Variants in EIF2B3 observed in about 807,000 individuals in gnomAD.
EIF2B3 encodes translation initiation factor eIF2B subunit gamma.
A neutral mutation model predicts 54.1 loss-of-function variants in EIF2B3; 20 were observed. The ratio of observed to expected loss-of-function variants is 0.37; its 90% CI spans 0.26 to 0.54. EIF2B3 has a LOEUF of 0.54. EIF2B3 is among the 20% of genes least tolerant of loss of function. EIF2B3 has a pLI of 0.86. For synonymous variants in EIF2B3, 153 were observed against 188.1 expected (o/e 0.81, Z 1.52); for missense variants, 448 against 547.8 (o/e 0.82, Z 1.82).
At chr1:44,904,521 T>C (rs1215490112) in intron 5 of EIF2B3, among the ~76,000 whole-genome samples, 2 of 148,050 alleles carry the variant, frequency 1.4e-5, no homozygotes, top group African/African-American at 2.5e-5. Flanking sequence ...TTTGGCAATC[T>C]TTTTTTTTTT....
At chr1:44,888,450 C>T (rs1655676544) in intron 6 of EIF2B3, among the ~76,000 whole-genome samples, 1 of 150,616 alleles carries the variant, frequency 6.6e-6, no homozygotes, top group African/African-American at 2.5e-5. Flanking sequence ...AAATTTCTTG[C>T]CAGTCAGACT....
chr1:44,856,361 A>G (rs1034003194), intron 11 of EIF2B3, among the ~76,000 whole-genome samples: 2 of 151,824 alleles, frequency 1.3e-5, no homozygotes, highest in Non-Finnish European at 2.9e-5. Context: ...CTAAAAACAC[A>G]AAAATTAGCC....
chr1:44,859,945 G>T (rs1424963059), intron 10 of EIF2B3, among the ~76,000 whole-genome samples: 1 of 150,758 alleles, frequency 6.6e-6, no homozygotes, highest in Non-Finnish European at 1.5e-5. Context: ...TTTAGTAGAG[G>T]CAGGGTTTCG....
chr1:44,852,519 C>T (rs999703850), intron 11 of EIF2B3, among the ~76,000 whole-genome samples: 1 of 152,086 alleles, frequency 6.6e-6, no homozygotes, highest in Non-Finnish European at 1.5e-5. Context: ...GTGGCTCATG[C>T]CTCTAATCCC....
At chr1:44,928,680 T>C (rs901261738) in intron 4 of EIF2B3, among the ~76,000 whole-genome samples, 1 of 152,168 alleles carries the variant, frequency 6.6e-6, no homozygotes, top group Non-Finnish European at 1.5e-5. Context: ...TGGTAGACAG[T>C]GATCTTACAG....
intron 4 of EIF2B3, among the ~76,000 whole-genome samples, chr1:44,928,503 T>G (rs567648405): frequency 3.8e-4 from 57 of 151,406 alleles, no homozygotes; most frequent in African/African-American, 1.2e-3. Flanking sequence ...GCGCTTCGTT[T>G]TTTTTTTTTT....
chr1:44,884,116 GGT>G (rs1273194597), intron 6 of EIF2B3, among the ~76,000 whole-genome samples: 1 of 152,184 alleles, frequency 6.6e-6, no homozygotes, highest in African/African-American at 2.4e-5. Flanking sequence ...CGGGATTACA[GGT>G]GTGAGCCACC....
rs555971276 is a variant in EIF2B3, at chr1:44,934,548, C to T, written c.454+6958G>A. Among the ~76,000 whole-genome samples, 8 of 149,082 alleles carry T rather than the reference C, an allele frequency of 5.4e-5. No individual in the cohort carries two copies. The East Asian group carries it at 1.6e-3, about 29-fold the overall frequency. ...TGAGAAGGAATTTTGTTCTTGTTGCCCAGGCTGGAGTGCAGTGGTGATCCC... is the reference window on the plus strand; with the variant it reads ...TGAGAAGGAATTTTGTTCTTGTTGCTCAGGCTGGAGTGCAGTGGTGATCCC... On this transcript the variant is annotated intron_variant, in intron 4 of 11. Transcript: ENST00000360403.
At chr1:44,902,793 A>C (rs1317214657) in intron 5 of EIF2B3, among the ~76,000 whole-genome samples, 3 of 133,242 alleles carry the variant, frequency 2.3e-5, no homozygotes, top group Non-Finnish European at 4.6e-5. Flanking sequence ...GTGCTACTGC[A>C]CTCCAGCCTG....
At chr1:44,879,287 T>G (rs1655303671) in intron 8 of EIF2B3, among the ~76,000 whole-genome samples, 1 of 152,160 alleles carries the variant, frequency 6.6e-6, no homozygotes, top group African/African-American at 2.4e-5. Context: ...GTTCCCCATA[T>G]CTCACAAACT....
chr1:44,893,776 G>A lies in EIF2B3; in HGVS notation c.656+3579C>T, dbSNP rs182303296. Among the ~76,000 whole-genome samples, 829 of 146,868 alleles carry A rather than the reference G, an allele frequency of 5.6e-3. 6 individuals are homozygous for A. Among genetic ancestry groups the A allele is most frequent in the Non-Finnish European group, 9.2e-3 (620 of 67,038 alleles). On this transcript the variant is annotated intron_variant, in intron 6 of 11. Transcript: ENST00000360403. ...ACCGTGGATACTTCTGGACAAGAAG[G>A]AAGTAATCAGCCTCAATTCTCCCTG...
chr1:44,961,645 T>C (rs1186466759), intron 3 of EIF2B3, among the ~76,000 whole-genome samples: 1 of 152,158 alleles, frequency 6.6e-6, no homozygotes, highest in East Asian at 1.9e-4. Flanking sequence ...GACAGGTATC[T>C]TTTTTATCTG....
At chr1:44,948,952 C>T (rs1363496191) in intron 3 of EIF2B3, among the ~76,000 whole-genome samples, 1 of 152,070 alleles carries the variant, frequency 6.6e-6, no homozygotes, top group East Asian at 1.9e-4. Context: ...ACTGCAACCT[C>T]CGCCCCCCGA....
At chr1:44,882,928 C>CTTTTTTTTTTTTT (rs1003449669) in intron 6 of EIF2B3, among the ~76,000 whole-genome samples, 1 of 114,456 alleles carries the variant, frequency 8.7e-6, no homozygotes, top group Non-Finnish European at 1.8e-5. Context: ...TTTTCTTTTT[C>CTTTTTTTTTTTTT]TTTTTTTTTT....
intron 5 of EIF2B3, among the ~76,000 whole-genome samples, chr1:44,914,987 C>T (rs574676117): frequency 1.4e-4 from 21 of 151,582 alleles, no homozygotes; most frequent in African/African-American, 4.1e-4. Flanking sequence ...CCATGCCCCG[C>T]CCATTATTTT....
chr1:44,981,205 GAAAA>G, intron 1 of EIF2B3, 28 bp from the exon 2 acceptor site: 1 of 1,610,716 alleles, frequency 6.2e-7, no homozygotes, highest in East Asian at 2.2e-5. Flanking sequence ...ACAATTAACA[GAAAA>G]AAAACAATGT....
Position 44,956,492 on chromosome 1 carries a change from A to G in EIF2B3, c.295-14827T>C, listed in dbSNP as rs1342656274. Among the ~76,000 whole-genome samples, 6 of 152,124 alleles carry G rather than the reference A, an allele frequency of 3.9e-5. 1 individual carries two copies. In the Middle Eastern group the frequency reaches 0.01, roughly 259 times the overall value. The stretch of plus-strand genomic sequence containing the variant: ...ACAAATCTGCAACTTAAAGTATAAA[A>G]AAAAATCAATAGAAACCACTAATAA... On this transcript the variant is annotated intron_variant, in intron 3 of 11. Coordinates refer to ENST00000360403, the MANE Select transcript of EIF2B3 (RefSeq NM_020365.5).
chr1:44,956,999 A>T (rs985359177), intron 3 of EIF2B3, among the ~76,000 whole-genome samples: 4 of 152,210 alleles, frequency 2.6e-5, no homozygotes, highest in African/African-American at 9.7e-5. Flanking sequence ...GTGGTGGCTC[A>T]TGCCTGTAAT....
intron 3 of EIF2B3, among the ~76,000 whole-genome samples, chr1:44,974,188 A>T (rs574555520): frequency 6.7e-5 from 10 of 150,052 alleles, no homozygotes; most frequent in Non-Finnish European, 1.3e-4. Context: ...TTTTTTTTTT[A>T]AAGAGCTGGG....
Sources: gnomAD v4.1 joint callset for allele counts (sites outside exome capture counted in the v4.1 genomes callset) on GRCh38, gnomAD v4.1.1 for gene constraint, MANE v1.5 for transcripts, NCBI Gene and HGNC (gene_info 2026-07-23, HGNC 2026-07-21) for gene names.